PACC1: variants seen among roughly 807,000 people sequenced by gnomAD.
PACC1 encodes proton activated chloride channel 1, also known as proton-activated chloride channel.
PACC1 carries 34 observed loss-of-function variants against 39.7 expected under a neutral mutation model. That is an observed-to-expected ratio of 0.86 (90% CI 0.65 to 1.14). PACC1 has a LOEUF of 1.14. Among genes scored for constraint, PACC1 ranks in the 50% most tolerant of loss-of-function variants. The probability of loss-of-function intolerance (pLI) is 0.00; values close to 1 mark genes in which losing one functional copy is unlikely to be tolerated. For missense variants in PACC1, 379 were observed against 436.4 expected, an observed-to-expected ratio of 0.87 and a Z score of 1.17; for synonymous variants, 127 against 160.6, an observed-to-expected ratio of 0.79 and a Z score of 1.58.
chr1:212,397,810 G>T (rs945736634), intron 2 of PACC1, among the ~76,000 whole-genome samples: 1 of 152,176 alleles, frequency 6.6e-6, no homozygotes, highest in Non-Finnish European at 1.5e-5. Flanking sequence ...ACCACAAGGA[G>T]AATTTTAAGG....
intron 7 of PACC1, among the ~76,000 whole-genome samples, chr1:212,370,122 A>G (rs1159531701): frequency 6.6e-6 from 1 of 152,194 alleles, no homozygotes; most frequent in Admixed American, 6.5e-5. Context: ...ATCAACAAAC[A>G]TGGGATTTAA....
At chr1:212,375,754 G>A (rs550288456) in intron 6 of PACC1, among the ~76,000 whole-genome samples, 12 of 151,328 alleles carry the variant, frequency 7.9e-5, no homozygotes, top group African/African-American at 2.9e-4. Context: ...GTGTAGTGGT[G>A]GGCGCCTGCA....
At chr1:212,381,856 G>A (rs1660908730) in intron 4 of PACC1, among the ~76,000 whole-genome samples, 1 of 151,810 alleles carries the variant, frequency 6.6e-6, no homozygotes, top group South Asian at 2.1e-4. Flanking sequence ...AAAAGTCATG[G>A]CTGGACTATC....
intron 6 of PACC1, 44 bp from the exon 7 acceptor site, chr1:212,375,344 C>T (rs989371128): frequency 7.4e-7 from 1 of 1,358,186 alleles, no homozygotes; most frequent in Non-Finnish European, 1.1e-6. Context: ...CTCTGTGTGC[C>T]CTTCCCTTGC....
chr1:212,408,348 C>CT (rs942652033), intron 2 of PACC1, among the ~76,000 whole-genome samples: 5 of 151,348 alleles, frequency 3.3e-5, no homozygotes, highest in Admixed American at 2.0e-4. Context: ...TCCAGGCAGT[C>CT]TTTTTTTACT....
chr1:212,368,782 C>T (rs1042263710), intron 7 of PACC1, among the ~76,000 whole-genome samples: 1 of 152,008 alleles, frequency 6.6e-6, no homozygotes, highest in African/African-American at 2.4e-5. Flanking sequence ...CCTGTAATCC[C>T]AGCACTTTGG....
At chr1:212,370,583 A>T (rs1326355974) in intron 7 of PACC1, among the ~76,000 whole-genome samples, 1 of 152,270 alleles carries the variant, frequency 6.6e-6, no homozygotes, top group Non-Finnish European at 1.5e-5. Context: ...AAAAATTAAA[A>T]TCATATTAAG....
At chr1:212,402,149 G>A (rs553217003) in intron 2 of PACC1, among the ~76,000 whole-genome samples, 6 of 152,142 alleles carry the variant, frequency 3.9e-5, no homozygotes, top group Admixed American at 2.0e-4. Flanking sequence ...TCATGTGGAC[G>A]TAAGTTTTCA....
At chr1:212,403,585 C>A (rs1382425216) in intron 2 of PACC1, among the ~76,000 whole-genome samples, 1 of 152,118 alleles carries the variant, frequency 6.6e-6, no homozygotes, top group African/African-American at 2.4e-5. Context: ...TTTTTTGAGA[C>A]AGGGTCTCTC....
Position 212,377,627 on chromosome 1 carries a change from C to A in PACC1, c.718G>T (p.Val240Phe), listed in dbSNP as rs1488338727. ...WKFSGGFRTW[V>F]KMSLVKTKEE... ...TTGGTCTTTACCAGTGACATCTTGA[C>A]CCAGGTGCGGAAGCCCCCAGAGAAC... The change falls in exon 6 of 8, where the codon GTC becomes TTC. Residue 240 changes from valine (V) to phenylalanine (F), a missense_variant. Transcript: ENST00000261455. 1.2e-6 allele frequency: 2 copies of A among 1,614,216 alleles called. No individual in the cohort carries two copies. Among genetic ancestry groups the A allele is most frequent in the Non-Finnish European group, 8.5e-7 (1 of 1,180,034 alleles).
At chr1:212,377,094 C>G (rs1360827904) in intron 6 of PACC1, among the ~76,000 whole-genome samples, 1 of 152,160 alleles carries the variant, frequency 6.6e-6, no homozygotes, top group Non-Finnish European at 1.5e-5. Context: ...AGCCCACTGG[C>G]CTAGCAGCCA....
chr1:212,402,519 T>C (rs1661753200), intron 2 of PACC1, among the ~76,000 whole-genome samples: 1 of 152,232 alleles, frequency 6.6e-6, no homozygotes, highest in Non-Finnish European at 1.5e-5. Flanking sequence ...TATTTGTCTT[T>C]ATTGTTGAAT....
At chr1:212,384,306 A>C (rs781344896) in intron 4 of PACC1, among the ~76,000 whole-genome samples, 1 of 152,142 alleles carries the variant, frequency 6.6e-6, no homozygotes, top group African/African-American at 2.4e-5. Context: ...ACAAAAAAAA[A>C]ATTAGTGTTA....
At chr1:212,395,076 G>GA (rs1198945752) in intron 2 of PACC1, among the ~76,000 whole-genome samples, 4 of 152,002 alleles carry the variant, frequency 2.6e-5, no homozygotes, top group African/African-American at 9.7e-5. Context: ...CACAGAATTG[G>GA]AAAAAACTAC....
At chr1:212,389,447 A>G (rs1661224196) in intron 2 of PACC1, among the ~76,000 whole-genome samples, 1 of 152,140 alleles carries the variant, frequency 6.6e-6, no homozygotes, top group Non-Finnish European at 1.5e-5. Flanking sequence ...TATGCCAAGA[A>G]AAAAAAATAC....
chr1:212,374,228 T>C (rs1359020671), intron 7 of PACC1, among the ~76,000 whole-genome samples: 1 of 152,126 alleles, frequency 6.6e-6, no homozygotes, highest in African/African-American at 2.4e-5. Flanking sequence ...TGGAATATTA[T>C]TCAGCCATTA....
At chr1:212,387,159 G>T in intron 2 of PACC1, 59 bp from the exon 3 acceptor site, 1 of 1,572,090 alleles carries the variant, frequency 6.4e-7, no homozygotes. Context: ...AGACAGAGAT[G>T]GCCAGCAACC....
intron 5 of PACC1, among the ~76,000 whole-genome samples, chr1:212,379,645 T>C (rs1660801520): frequency 6.6e-6 from 1 of 152,050 alleles, no homozygotes; most frequent in African/African-American, 2.4e-5. Flanking sequence ...CCAAATGATC[T>C]CTCTAGAACC....
At chr1:212,373,161 T>A (rs887370218) in intron 7 of PACC1, among the ~76,000 whole-genome samples, 1 of 152,066 alleles carries the variant, frequency 6.6e-6, no homozygotes, top group Admixed American at 6.6e-5. Context: ...AACAGACACA[T>A]AGACCAATGG....
Sources: allele counts gnomAD v4.1 joint callset (sites outside exome capture counted in the v4.1 genomes callset), GRCh38; gene constraint gnomAD v4.1.1; transcripts MANE v1.5; gene names NCBI Gene and HGNC (gene_info 2026-07-23, HGNC 2026-07-21).